Variants in SLC22A15 observed in about 807,000 individuals in gnomAD.
SLC22A15 encodes the protein flipt 1.
SLC22A15 carries 45 observed loss-of-function variants against 62.7 expected under a neutral mutation model. The observed-to-expected ratio is 0.72, with a 90% confidence interval of 0.56 to 0.92. The LOEUF (loss-of-function observed/expected upper bound fraction) is 0.92, where lower values mean the gene tolerates loss of function less well. Ranked by LOEUF, SLC22A15 falls within the 40% of genes least tolerant of loss-of-function variation. The pLI is 0.00. For synonymous variants in SLC22A15, 264 were observed against 267.0 expected, an observed-to-expected ratio of 0.99 and a Z score of 0.11; for missense variants, 622 against 665.6, an observed-to-expected ratio of 0.93 and a Z score of 0.72.
At chr1:115,998,893 C>G (rs537035405) in intron 2 of SLC22A15, among the ~76,000 whole-genome samples, 1 of 151,952 alleles carries the variant, frequency 6.6e-6, no homozygotes, top group East Asian at 1.9e-4. Flanking sequence ...TGAAGTTTTT[C>G]TACTGTTTTG....
intron 8 of SLC22A15, among the ~76,000 whole-genome samples, chr1:116,042,196 A>G (rs180865812): frequency 6.6e-6 from 1 of 152,030 alleles, no homozygotes; most frequent in Admixed American, 6.6e-5. Flanking sequence ...AAAAATCAAT[A>G]GAAACAAAAC....
rs111856056 is a variant in SLC22A15, at chr1:115,976,566, T to C, written c.-62T>C. 7.5e-7 allele frequency: 1 copy of C among 1,339,064 alleles called. No individual in the cohort carries two copies. The highest frequency in any genetic ancestry group is 1.0e-6 in the Non-Finnish European group (1 of 982,020). 82.9% of individuals were successfully genotyped at this position (1,339,064 alleles called of 1,614,324 possible). On this transcript the variant is annotated 5_prime_UTR_variant, in exon 1 of 12. Coordinates refer to ENST00000369503, the MANE Select transcript of SLC22A15 (RefSeq NM_018420.3). The stretch of plus-strand genomic sequence containing the variant: ...GCCGGGCGCCCAGGGGTTGCCGCGC[T>C]GGGCGGGAGGGCAGCGCCTGAGAGG...
At chr1:116,063,615 A>G (rs959496286) in intron 9 of SLC22A15, among the ~76,000 whole-genome samples, 1 of 152,212 alleles carries the variant, frequency 6.6e-6, no homozygotes, top group Non-Finnish European at 1.5e-5. Flanking sequence ...TTAATTTAAA[A>G]TTATTTTTCC....
chr1:116,021,406 G>GA (rs200932092), intron 4 of SLC22A15, among the ~76,000 whole-genome samples: 3,667 of 152,100 alleles, frequency 0.024, 153 homozygotes, highest in African/African-American at 0.085. Flanking sequence ...ATTTTCTCAA[G>GA]AACTACATAG....
In SLC22A15 at chr1:116,067,204, G is replaced by T. The variant is rs1430674389; in HGVS notation, c.*96G>T. The T allele has an allele frequency of 2.1e-6, 2 of 943,986 alleles. No individual in the cohort carries two copies. The highest frequency in any genetic ancestry group is 3.3e-6 in the Non-Finnish European group (2 of 602,344). 58.5% of individuals were successfully genotyped at this position (943,986 alleles called of 1,614,324 possible). A position where few individuals can be genotyped will look rare whatever the true frequency, so the allele number is the denominator to read the frequency against. On this transcript the variant is annotated 3_prime_UTR_variant, in exon 12 of 12. Coordinates refer to ENST00000369503, the MANE Select transcript of SLC22A15 (RefSeq NM_018420.3). ...GACTCCTAAGAGAGTTGTAAAAATA[G>T]AGGCTTGGCTTGAATGTACATAGAT...
intron 8 of SLC22A15, among the ~76,000 whole-genome samples, 183 bp from the exon 9 acceptor site, chr1:116,062,579 C>CA (rs1162900969): frequency 6.6e-6 from 1 of 152,196 alleles, no homozygotes; most frequent in Non-Finnish European, 1.5e-5. Flanking sequence ...AGAGCCAAAA[C>CA]ACTGAGAAAA....
chr1:115,984,628 G>A (rs572578130), intron 1 of SLC22A15, among the ~76,000 whole-genome samples: 18 of 152,196 alleles, frequency 1.2e-4, no homozygotes, highest in Non-Finnish European at 2.1e-4. Flanking sequence ...GCAAAAAAAA[G>A]TTAACTGTAA....
intron 2 of SLC22A15, among the ~76,000 whole-genome samples, chr1:116,012,857 GT>G (rs1656340996): frequency 6.6e-6 from 1 of 152,194 alleles, no homozygotes; most frequent in African/African-American, 2.4e-5. Context: ...CTAGTAGTAA[GT>G]GTGGAAGGAT....
At chr1:116,056,803 G>A (rs61788488) in intron 8 of SLC22A15, among the ~76,000 whole-genome samples, 115 of 152,220 alleles carry the variant, frequency 7.6e-4, no homozygotes, top group Non-Finnish European at 1.3e-3. Flanking sequence ...CAAGACATGG[G>A]GAAAGGATTC....
chr1:116,034,258 G>T (rs1657550248), intron 6 of SLC22A15, among the ~76,000 whole-genome samples: 1 of 152,142 alleles, frequency 6.6e-6, no homozygotes, highest in African/African-American at 2.4e-5. Flanking sequence ...CCCAGTTTCA[G>T]GGTTTTATTT....
chr1:115,991,718 T>C (rs1364907254), intron 1 of SLC22A15, among the ~76,000 whole-genome samples: 1 of 152,194 alleles, frequency 6.6e-6, no homozygotes, highest in Non-Finnish European at 1.5e-5. Flanking sequence ...TCCCTGCCCT[T>C]CTACTTTTGA....
At chr1:116,047,605 T>G (rs1049624426) in intron 8 of SLC22A15, among the ~76,000 whole-genome samples, 1 of 152,106 alleles carries the variant, frequency 6.6e-6, no homozygotes, top group African/African-American at 2.4e-5. Flanking sequence ...GTAGACTCAC[T>G]GGGTGGCTAG....
intron 2 of SLC22A15, among the ~76,000 whole-genome samples, chr1:115,996,231 A>T (rs1252746906): frequency 2.6e-5 from 4 of 152,250 alleles, no homozygotes; most frequent in Admixed American, 2.6e-4. Context: ...CTGTAGTTAT[A>T]TAAGCAGATT....
chr1:115,976,829 C>G, intron 1 of SLC22A15, 115 bp downstream of exon 1: 1 of 788,916 alleles, frequency 1.3e-6, no homozygotes, highest in Non-Finnish European at 2.0e-6. Flanking sequence ...TCTGCAAACA[C>G]CGAGGTGTGG....
At chr1:116,022,277 AT>A (rs1227638808) in intron 4 of SLC22A15, among the ~76,000 whole-genome samples, 9 of 152,248 alleles carry the variant, frequency 5.9e-5, no homozygotes, top group African/African-American at 1.9e-4. Flanking sequence ...TGAGTCTTCA[AT>A]TTGCATTGAG....
At chr1:116,016,907 C>T (rs1387651299) in intron 2 of SLC22A15, among the ~76,000 whole-genome samples, 2 of 152,166 alleles carry the variant, frequency 1.3e-5, no homozygotes, top group Non-Finnish European at 2.9e-5. Context: ...CTGTAACTCC[C>T]CTGCTTCCAC....
intron 2 of SLC22A15, among the ~76,000 whole-genome samples, chr1:116,004,069 C>T (rs4839510): frequency 0.49 from 73,855 of 152,038 alleles, 20,654 homozygotes; most frequent in Non-Finnish European, 0.64. Flanking sequence ...CTTACCTCTC[C>T]TTAATTCCTG....
intron 2 of SLC22A15, among the ~76,000 whole-genome samples, chr1:115,993,143 C>G (rs1349228183): frequency 6.6e-6 from 1 of 152,114 alleles, no homozygotes; most frequent in African/African-American, 2.4e-5. Context: ...GGGCAGATCT[C>G]ATGGTCAGCT....
In SLC22A15 at chr1:116,069,033, T is replaced by G. The variant is rs1046716061; in HGVS notation, c.*1925T>G. The G allele has an allele frequency of 6.6e-6, 1 of 152,228 alleles. No individual in the cohort carries two copies. The highest frequency in any genetic ancestry group is 1.9e-4 in the East Asian group (1 of 5,200). The allele number at this position is 152,228 out of a possible 1,614,324, so 9.4% of individuals were successfully genotyped here. A position where few individuals can be genotyped will look rare whatever the true frequency, so the allele number is the denominator to read the frequency against. ...AACCAGTGTTATGACTTTGTTCCAT[T>G]TGAAGACTAATTGGGAGTCCATCTC... On this transcript the variant is annotated 3_prime_UTR_variant, in exon 12 of 12. Transcript: ENST00000369503.
Sources: allele counts gnomAD v4.1 joint callset (sites outside exome capture counted in the v4.1 genomes callset), GRCh38; gene constraint gnomAD v4.1.1; transcripts MANE v1.5; gene names NCBI Gene and HGNC (gene_info 2026-07-23, HGNC 2026-07-21).